NEMF: variants seen among roughly 807,000 people sequenced by gnomAD.
NEMF encodes ribosome quality control complex subunit NEMF.
A neutral mutation model predicts 162.2 loss-of-function variants in NEMF; 89 were observed. The ratio of observed to expected loss-of-function variants is 0.55; its 90% confidence interval spans 0.46 to 0.65. NEMF has a LOEUF of 0.65. NEMF is among the 30% of genes least tolerant of loss of function. The pLI, the probability that NEMF is intolerant of heterozygous loss-of-function variation, is 0.00. For missense variants in NEMF, 1,133 were observed against 1,261.9 expected (o/e 0.90, Z 1.55); for synonymous variants, 421 against 404.5 (o/e 1.04, Z -0.49).
At chr14:49,799,703 C>G (rs763134312) in intron 23 of NEMF, 25 bp from the exon 24 acceptor site, 1 of 1,573,986 alleles carries the variant, frequency 6.4e-7, no homozygotes, top group Non-Finnish European at 8.6e-7. Context: ...ACAAGGGAGT[C>G]TCTACTAGCC....
chr14:49,848,656 G>A (rs186530830), intron 3 of NEMF, among the ~76,000 whole-genome samples: 26 of 152,032 alleles, frequency 1.7e-4, no homozygotes, highest in Admixed American at 9.2e-4. Context: ...CCAACATGGT[G>A]AAACCCCATC....
intron 4 of NEMF, among the ~76,000 whole-genome samples, chr14:49,841,570 C>G (rs1187874278): frequency 8.9e-6 from 1 of 111,760 alleles, no homozygotes; most frequent in East Asian, 2.4e-4. Context: ...GCGAAACTCT[C>G]GTCTTAAGAA....
rs1341097029 is a variant in NEMF at position 49,796,649 on chromosome 14, C to T, written c.2466-705G>A. ...TATAGGCGTGAGCCACCACATCCGG[C>T]CATTAACTTCTATATTAATCTTCCT... On this transcript the variant is annotated intron_variant, in intron 25 of 32. Transcript: ENST00000298310. Among the ~76,000 whole-genome samples, 3 of 152,176 alleles carry T rather than the reference C, an allele frequency of 2.0e-5. No individual in the cohort carries two copies. In the East Asian group the frequency reaches 5.8e-4, roughly 29 times the overall value.
chr14:49,805,819 C>T (rs112625886), intron 19 of NEMF, among the ~76,000 whole-genome samples: 4 of 152,192 alleles, frequency 2.6e-5, no homozygotes, highest in African/African-American at 9.6e-5. Flanking sequence ...AAAACGGTAT[C>T]CCCTATCACT....
At chr14:49,820,274 AGTGTCTGT>A in intron 16 of NEMF, 1 of 367,596 alleles carries the variant, frequency 2.7e-6, no homozygotes, top group Non-Finnish European at 5.5e-6. Flanking sequence ...ACAGCAGGCA[AGTGTCTGT>A]GTGTTTGTTG....
intron 15 of NEMF, 78 bp downstream of exon 15, chr14:49,828,213 T>G (rs977953627): frequency 2.0e-6 from 2 of 1,008,376 alleles, no homozygotes; most frequent in Non-Finnish European, 3.1e-6. Flanking sequence ...AAACCTCATT[T>G]AAACAGAAGA....
chr14:49,792,992 CAAAA>C (rs930110478), intron 26 of NEMF, among the ~76,000 whole-genome samples: 7 of 151,992 alleles, frequency 4.6e-5, no homozygotes, highest in Non-Finnish European at 1.0e-4. Flanking sequence ...AAAAAACAAA[CAAAA>C]AGAATGCAAT....
At chr14:49,802,628 CAG>C (rs1167635853) in intron 21 of NEMF, 39 bp downstream of exon 21, 5 of 1,609,406 alleles carry the variant, frequency 3.1e-6, no homozygotes, top group East Asian at 4.5e-5. Flanking sequence ...TAATGAAAAT[CAG>C]GAAAAAAACA....
At chr14:49,851,698 G>T (rs1226958977) in intron 2 of NEMF, 33 bp from the exon 3 acceptor site, 2 of 1,561,488 alleles carry the variant, frequency 1.3e-6, no homozygotes, top group East Asian at 2.2e-5. Flanking sequence ...TTTTCTTTAG[G>T]GTATATGCCA....
At chr14:49,798,972 G>C (rs967574910) in intron 25 of NEMF, among the ~76,000 whole-genome samples, 12 of 151,978 alleles carry the variant, frequency 7.9e-5, no homozygotes, top group Non-Finnish European at 1.6e-4. Flanking sequence ...CCAGCACTTT[G>C]GGCAGCCAAG....
At chr14:49,785,647 T>C in intron 29 of NEMF, 1 of 248,728 alleles carries the variant, frequency 4.0e-6, no homozygotes. Context: ...TCTGGAAGGC[T>C]CAGGCTGAGG....
intron 16 of NEMF, among the ~76,000 whole-genome samples, chr14:49,822,999 C>T (rs377035343): frequency 1.3e-5 from 2 of 150,146 alleles, no homozygotes; most frequent in East Asian, 1.9e-4. Flanking sequence ...TGCAGTGGCA[C>T]GATCTCGGCT....
At chr14:49,799,757 C>T (rs1270040233) in intron 23 of NEMF, 79 bp from the exon 24 acceptor site, 5 of 1,220,520 alleles carry the variant, frequency 4.1e-6, no homozygotes, top group Non-Finnish European at 5.8e-6. Flanking sequence ...ATTCCCATAT[C>T]ATACTCTTAA....
chr14:49,846,985 A>T (rs1893535286), intron 3 of NEMF, among the ~76,000 whole-genome samples: 2 of 152,172 alleles, frequency 1.3e-5, no homozygotes, highest in Admixed American at 6.6e-5. Context: ...TCCCAGGTTC[A>T]AGTGATTCTC....
At chr14:49,840,669 A>G (rs1194095224) in intron 5 of NEMF, 49 bp downstream of exon 5, 2 of 1,532,996 alleles carry the variant, frequency 1.3e-6, no homozygotes, top group African/African-American at 1.4e-5. Flanking sequence ...TATGTTGCCC[A>G]GTACATTTTA....
At chr14:49,834,931 G>A (rs1383958167) in intron 6 of NEMF, among the ~76,000 whole-genome samples, 2 of 152,168 alleles carry the variant, frequency 1.3e-5, no homozygotes, top group African/African-American at 2.4e-5. Flanking sequence ...GGGTGCGGTG[G>A]CTCATGCCTA....
chr14:49,785,742 G>C (rs1890141678), intron 29 of NEMF: 1 of 179,700 alleles, frequency 5.6e-6, no homozygotes, highest in Non-Finnish European at 1.2e-5. Flanking sequence ...ATAAAAGTTA[G>C]CTGGGTATAG....
intron 19 of NEMF, among the ~76,000 whole-genome samples, chr14:49,804,008 CTTT>C (rs777983337): frequency 7.2e-6 from 1 of 139,576 alleles, no homozygotes; most frequent in Non-Finnish European, 1.6e-5. Flanking sequence ...AAAGTTTTGC[CTTT>C]TTTTTTTTTT....
intron 26 of NEMF, among the ~76,000 whole-genome samples, chr14:49,791,062 G>A (rs764842767): frequency 5.9e-4 from 90 of 152,262 alleles, no homozygotes; most frequent in African/African-American, 1.1e-3. Context: ...CTGGCTGGGC[G>A]CAGTGGCTCA....
Sources: allele counts gnomAD v4.1 joint callset (sites outside exome capture counted in the v4.1 genomes callset), GRCh38; gene constraint gnomAD v4.1.1; transcripts MANE v1.5; gene names NCBI Gene and HGNC (gene_info 2026-07-23, HGNC 2026-07-21).